The following MAMDC2 variants were observed in gnomAD, a reference collection of about 807,000 sequenced individuals.
MAMDC2 encodes the protein MAM domain-containing protein 2.
In MAMDC2, 57 loss-of-function variants were observed where a neutral mutation model predicts 89.8. The observed-to-expected ratio is 0.63, with a 90% CI of 0.51 to 0.79. MAMDC2 has a LOEUF of 0.79. Ranked by LOEUF, MAMDC2 falls within the 30% of genes least tolerant of loss-of-function variation. MAMDC2 has a pLI of 0.00. For synonymous variants in MAMDC2, 313 were observed against 293.4 expected (o/e 1.07, Z -0.68); for missense variants, 800 against 820.6 (o/e 0.97, Z 0.31).
At chr9:70,176,084 T>A (rs1216628298) in intron 11 of MAMDC2, among the ~76,000 whole-genome samples, 1 of 152,204 alleles carries the variant, frequency 6.6e-6, no homozygotes, top group African/African-American at 2.4e-5. Context: ...GGGTTGAACA[T>A]TGAAGGAACA....
chr9:70,178,368 A>G (rs575882031), intron 11 of MAMDC2, among the ~76,000 whole-genome samples: 1 of 150,494 alleles, frequency 6.6e-6, no homozygotes, highest in South Asian at 2.2e-4. Context: ...ATCCTTTAAC[A>G]AGGAACCTAC....
chr9:70,044,086 T>C lies in MAMDC2; in HGVS notation c.-112T>C. ...CAAGCTTTGCCTCTCGACTTCTCCCTCCTTGGGTCCCCGGCGCCCCCGCCT... is the reference window on the plus strand; with the variant it reads ...CAAGCTTTGCCTCTCGACTTCTCCCCCCTTGGGTCCCCGGCGCCCCCGCCT... On this transcript the variant is annotated 5_prime_UTR_variant, in exon 1 of 14. Transcript: ENST00000377182. 7.6e-7 allele frequency: 1 copy of C among 1,321,570 alleles called. No homozygotes were observed. 81.9% of individuals were successfully genotyped at this position (1,321,570 alleles called of 1,614,324 possible).
At chr9:70,196,152 A>G (rs565982439) in intron 11 of MAMDC2, among the ~76,000 whole-genome samples, 23 of 152,036 alleles carry the variant, frequency 1.5e-4, no homozygotes, top group Non-Finnish European at 8.8e-5. Context: ...CACTACCACC[A>G]TAACAGTATG....
At chr9:70,070,673 AAGTTGAGT>A (rs1206126591) in intron 2 of MAMDC2, among the ~76,000 whole-genome samples, 1 of 152,176 alleles carries the variant, frequency 6.6e-6, no homozygotes, top group East Asian at 1.9e-4. Flanking sequence ...TGTGGCCTGC[AAGTTGAGT>A]ACTGAATTAT....
Position 70,051,862 on chromosome 9 carries a change from T to C in MAMDC2, c.148+7165T>C, listed in dbSNP as rs187404932. Among the ~76,000 whole-genome samples the C allele has an allele frequency of 2.6e-5, 4 of 151,280 alleles. No homozygotes were observed. The Admixed American group carries it at 2.7e-4, about 10-fold the overall frequency. On this transcript the variant is annotated intron_variant, in intron 2 of 13. Coordinates refer to ENST00000377182, the MANE Select transcript of MAMDC2 (RefSeq NM_153267.5). ...GTTTGATTACATATCCATCTATTTA[T>C]ATCTATTTACCTATCTAGATAGATA...
At chr9:70,076,131 T>G (rs556769675) in intron 2 of MAMDC2, among the ~76,000 whole-genome samples, 1 of 152,094 alleles carries the variant, frequency 6.6e-6, no homozygotes, top group Non-Finnish European at 1.5e-5. Flanking sequence ...GTCTTTAAAA[T>G]TAATGGAGGG....
chr9:70,081,325 G>T (rs575623747), intron 2 of MAMDC2, among the ~76,000 whole-genome samples: 2 of 152,238 alleles, frequency 1.3e-5, no homozygotes, highest in Admixed American at 6.5e-5. Flanking sequence ...CCGTCCTGGA[G>T]GGGGAGGGAA....
At chr9:70,178,305 T>C (rs952996200) in intron 11 of MAMDC2, among the ~76,000 whole-genome samples, 2 of 152,158 alleles carry the variant, frequency 1.3e-5, no homozygotes, top group African/African-American at 4.8e-5. Flanking sequence ...CATCATCCCA[T>C]GGTGGAAGGG....
chr9:70,209,667 C>G (rs1356794874), intron 11 of MAMDC2, among the ~76,000 whole-genome samples: 1 of 152,040 alleles, frequency 6.6e-6, no homozygotes, highest in East Asian at 1.9e-4. Context: ...TATTTCTTGC[C>G]TTCTGCTAGC....
chr9:70,210,678 G>A (rs891846329), intron 11 of MAMDC2, among the ~76,000 whole-genome samples: 2 of 152,166 alleles, frequency 1.3e-5, no homozygotes, highest in African/African-American at 2.4e-5. Context: ...CTGTCATGAC[G>A]TTAGCTGGTT....
intron 2 of MAMDC2, chr9:70,081,851 T>G (rs1827661236): frequency 6.6e-6 from 1 of 151,904 alleles, no homozygotes; most frequent in Admixed American, 6.6e-5. Context: ...GAGATCTTTT[T>G]TTTTCTGGAG....
At position 70,221,001 on chromosome 9, in the gene MAMDC2, C is replaced by T. The variant is rs139170093; in HGVS notation, c.1911+2405C>T. On this transcript the variant is annotated intron_variant, in intron 12 of 13. Transcript: ENST00000377182. ...CTCCCTAGTCACTAATTCATATCACCGTGGCAGAACTGGTATTCTCAACAG... is the reference window on the plus strand; with the variant it reads ...CTCCCTAGTCACTAATTCATATCACTGTGGCAGAACTGGTATTCTCAACAG... Among the ~76,000 whole-genome samples the T allele has an allele frequency of 3.6e-4, 54 of 152,100 alleles. 1 individual carries two copies. Among genetic ancestry groups the T allele is most frequent in the African/African-American group, 1.2e-3 (50 of 41,490 alleles).
At chr9:70,137,971 G>A (rs2031068888) in intron 7 of MAMDC2, among the ~76,000 whole-genome samples, 1 of 152,188 alleles carries the variant, frequency 6.6e-6, no homozygotes, top group African/African-American at 2.4e-5. Context: ...AGATTGCATA[G>A]TGTTAAGTGA....
intron 2 of MAMDC2, among the ~76,000 whole-genome samples, chr9:70,051,684 G>A (rs550562871): frequency 6.6e-6 from 1 of 152,276 alleles, no homozygotes; most frequent in South Asian, 2.1e-4. Flanking sequence ...GAGCTAGCAG[G>A]TAGTTAAACT....
At chr9:70,152,353 C>G (rs532729615) in intron 9 of MAMDC2, among the ~76,000 whole-genome samples, 6 of 152,098 alleles carry the variant, frequency 3.9e-5, no homozygotes, top group Non-Finnish European at 7.4e-5. Flanking sequence ...ATCACAGCCT[C>G]CAACAACAGA....
At position 70,218,476 on chromosome 9, in the gene MAMDC2, G is replaced by C; in HGVS notation, c.1791G>C (p.Leu597=). The change falls in exon 12 of 14, where the codon CTG becomes CTC. Residue 597 remains leucine (L), a synonymous_variant. Transcript: ENST00000377182. ...TGTATGGAGGGGGCACTGGCCTGCT[G>C]AGTGTTTATCTGAAAAAGGAAGAAG... ...YHMYGGGTGL[L]SVYLKKEEDS... The C allele has an allele frequency of 6.2e-7, 1 of 1,614,196 alleles. No homozygotes were observed. The highest frequency in any genetic ancestry group is 8.5e-7 in the Non-Finnish European group (1 of 1,180,026).
chr9:70,078,710 T>C (rs573229760), intron 2 of MAMDC2, among the ~76,000 whole-genome samples: 1 of 152,266 alleles, frequency 6.6e-6, no homozygotes, highest in South Asian at 2.1e-4. Flanking sequence ...GGGAGTAGGA[T>C]GTAATTGCTA....
intron 2 of MAMDC2, among the ~76,000 whole-genome samples, chr9:70,080,538 C>A (rs1480811870): frequency 6.6e-6 from 1 of 152,162 alleles, no homozygotes; most frequent in Non-Finnish European, 1.5e-5. Context: ...ACCTTAAGGT[C>A]CTCTGTTAAG....
chr9:70,121,237 C>T (rs1442093618), intron 5 of MAMDC2, among the ~76,000 whole-genome samples: 1 of 152,180 alleles, frequency 6.6e-6, no homozygotes, highest in Non-Finnish European at 1.5e-5. Context: ...GCCACTGGTT[C>T]CACATGAAAA....
Sources: allele counts gnomAD v4.1 joint callset (sites outside exome capture counted in the v4.1 genomes callset), GRCh38; gene constraint gnomAD v4.1.1; transcripts MANE v1.5; gene names NCBI Gene and HGNC (gene_info 2026-07-23, HGNC 2026-07-21).